Variants in NCKAP5 observed in about 807,000 individuals in gnomAD.
The protein encoded by NCKAP5 is nck-associated protein 5.
Under a neutral mutation model 167.0 loss-of-function variants are expected in NCKAP5, and 92 were observed. That is an observed-to-expected ratio of 0.55 (90% CI 0.47 to 0.66). The LOEUF is 0.66. Ranked by LOEUF, NCKAP5 falls within the 30% of genes least tolerant of loss-of-function variation. The probability of loss-of-function intolerance (pLI) is 0.00; values close to 1 mark genes in which losing one functional copy is unlikely to be tolerated. For synonymous variants in NCKAP5, 891 were observed against 877.4 expected (o/e 1.02, Z -0.27); for missense variants, 2,378 against 2,315.0 (o/e 1.03, Z -0.56).
At chr2:132,736,902 G>A (rs1412570546) in intron 16 of NCKAP5, among the ~76,000 whole-genome samples, 1 of 152,208 alleles carries the variant, frequency 6.6e-6, no homozygotes, top group African/African-American at 2.4e-5. Context: ...TCAAGGGTTG[G>A]GTTGTTGGAT....
At chr2:133,270,163 T>C (rs2089443858) in intron 4 of NCKAP5, among the ~76,000 whole-genome samples, 1 of 152,208 alleles carries the variant, frequency 6.6e-6, no homozygotes, top group African/African-American at 2.4e-5. Context: ...TGGTGATTAT[T>C]ATTGTTATTA....
chr2:133,520,101 G>A (rs1684350415), intron 2 of NCKAP5, among the ~76,000 whole-genome samples: 1 of 152,228 alleles, frequency 6.6e-6, no homozygotes, highest in South Asian at 2.1e-4. Flanking sequence ...TGAGGCAGGA[G>A]AATTGCTTGA....
chr2:133,149,156 C>T (rs2083298474), intron 5 of NCKAP5, among the ~76,000 whole-genome samples: 1 of 152,146 alleles, frequency 6.6e-6, no homozygotes, highest in Non-Finnish European at 1.5e-5. Flanking sequence ...CAACCATTAG[C>T]CTTCTGTTAA....
chr2:132,764,709 C>T (rs983695885), intron 16 of NCKAP5, among the ~76,000 whole-genome samples: 4 of 152,230 alleles, frequency 2.6e-5, no homozygotes. Context: ...AACATTTGCA[C>T]TTCCCACCCA....
At chr2:133,653,495 A>C in the NCKAP5 span, among the ~76,000 whole-genome samples, 57 of 152,362 alleles carry the variant, frequency 3.7e-4, no homozygotes, top group African/African-American at 1.3e-3. Flanking sequence ...TTTATAAAAG[A>C]AACCAGAGTT....
At chr2:133,521,064 G>A (rs1283312140) in intron 2 of NCKAP5, among the ~76,000 whole-genome samples, 6 of 152,164 alleles carry the variant, frequency 3.9e-5, no homozygotes, top group Non-Finnish European at 8.8e-5. Flanking sequence ...ATGGCAACCA[G>A]GATGCAGCAA....
intron 6 of NCKAP5, among the ~76,000 whole-genome samples, chr2:133,045,796 A>C (rs2079379126): frequency 6.6e-6 from 1 of 152,136 alleles, no homozygotes; most frequent in African/African-American, 2.4e-5. Context: ...ATTGCACTGG[A>C]CTCACCCTTC....
the NCKAP5 span, among the ~76,000 whole-genome samples, chr2:133,655,408 T>C: frequency 6.6e-6 from 1 of 152,222 alleles, no homozygotes; most frequent in Non-Finnish European, 1.5e-5. Context: ...CAAGGAGTGA[T>C]ATAGGATGTC....
chr2:133,513,357 G>A (rs967521947), intron 3 of NCKAP5, among the ~76,000 whole-genome samples: 3 of 152,190 alleles, frequency 2.0e-5, no homozygotes, highest in Non-Finnish European at 4.4e-5. Context: ...GTGAGAGTGG[G>A]AGAACAAACA....
At chr2:132,945,340 A>G (rs1000768379) in intron 8 of NCKAP5, among the ~76,000 whole-genome samples, 3 of 152,022 alleles carry the variant, frequency 2.0e-5, no homozygotes, top group African/African-American at 4.8e-5. Context: ...GGTTTCTCCA[A>G]CTCCTTTGCT....
chr2:132,765,969 A>T (rs962034621), intron 16 of NCKAP5, among the ~76,000 whole-genome samples: 2 of 152,078 alleles, frequency 1.3e-5, no homozygotes, highest in African/African-American at 4.8e-5. Context: ...ACCATGAGGT[A>T]ACTTCGGGAA....
intron 8 of NCKAP5, among the ~76,000 whole-genome samples, chr2:132,926,461 G>C (rs1375539599): frequency 6.6e-6 from 1 of 152,136 alleles, no homozygotes; most frequent in East Asian, 1.9e-4. Flanking sequence ...ATTTTCCATA[G>C]AGTCTGTAGT....
the NCKAP5 span, among the ~76,000 whole-genome samples, chr2:133,652,239 C>T: frequency 6.6e-6 from 1 of 152,104 alleles, no homozygotes; most frequent in Admixed American, 6.5e-5. Context: ...ATCAAGTTCT[C>T]AAAATTTAAT....
At chr2:133,304,203 G>T (rs1680607976) in intron 3 of NCKAP5, among the ~76,000 whole-genome samples, 1 of 152,074 alleles carries the variant, frequency 6.6e-6, no homozygotes, top group South Asian at 2.1e-4. Flanking sequence ...CTATAATAAG[G>T]TGAGGGGCTG....
intron 8 of NCKAP5, among the ~76,000 whole-genome samples, chr2:132,901,779 T>C (rs1024062850): frequency 6.6e-6 from 1 of 152,228 alleles, no homozygotes; most frequent in South Asian, 2.1e-4. Flanking sequence ...CAAAAGGCAG[T>C]GTTGCACTGT....
At chr2:133,116,463 G>A (rs1310515245) in intron 6 of NCKAP5, among the ~76,000 whole-genome samples, 1 of 79,446 alleles carries the variant, frequency 1.3e-5, no homozygotes, top group Non-Finnish European at 2.2e-5. Context: ...ACTCCAGCCT[G>A]GGCGACAGAG....
intron 5 of NCKAP5, among the ~76,000 whole-genome samples, chr2:133,141,048 G>T (rs2082977789): frequency 6.6e-6 from 1 of 151,698 alleles, no homozygotes; most frequent in African/African-American, 2.4e-5. Context: ...GACCTTAGTG[G>T]GCAGCTAGCT....
chr2:132,943,749 T>C (rs1395793844), intron 8 of NCKAP5, among the ~76,000 whole-genome samples: 1 of 152,184 alleles, frequency 6.6e-6, no homozygotes, highest in African/African-American at 2.4e-5. Context: ...AAGACACCGA[T>C]GACAATGGAA....
intron 13 of NCKAP5, 122 bp from the exon 14 acceptor site, chr2:132,785,840 C>A: frequency 1.5e-6 from 1 of 681,028 alleles, no homozygotes; most frequent in East Asian, 3.3e-5. Context: ...CATATAAATG[C>A]CTACATTAAT....
Sources: allele counts gnomAD v4.1 joint callset (sites outside exome capture counted in the v4.1 genomes callset), GRCh38; gene constraint gnomAD v4.1.1; transcripts MANE v1.5; gene names NCBI Gene and HGNC (gene_info 2026-07-23, HGNC 2026-07-21).